The following ZYG11B variants were observed in gnomAD, a reference collection of about 807,000 sequenced individuals.
The protein encoded by ZYG11B is zyg-11 family member B, cell cycle regulator.
A neutral mutation model predicts 82.4 loss-of-function variants in ZYG11B; 36 were observed. That is an observed-to-expected ratio of 0.44 (90% CI 0.33 to 0.58). ZYG11B has a LOEUF of 0.58. Ranked by LOEUF, ZYG11B falls within the 20% of genes least tolerant of loss-of-function variation. The probability of loss-of-function intolerance (pLI) is 0.02; values close to 1 mark genes in which losing one functional copy is unlikely to be tolerated. For missense variants in ZYG11B, 552 were observed against 895.6 expected, an observed-to-expected ratio of 0.62 and a Z score of 4.90; for synonymous variants, 303 against 312.8, an observed-to-expected ratio of 0.97 and a Z score of 0.33.
chr1:52,733,682 A>C (rs1351056290), intron 1 of ZYG11B, among the ~76,000 whole-genome samples: 1 of 152,200 alleles, frequency 6.6e-6, no homozygotes, highest in Non-Finnish European at 1.5e-5. Context: ...AATCAATCAG[A>C]GATATCTTGA....
At chr1:52,813,986 A>G in intron 12 of ZYG11B, 74 bp downstream of exon 12, 1 of 1,434,966 alleles carries the variant, frequency 7.0e-7, no homozygotes, top group Non-Finnish European at 9.6e-7. Context: ...TTCCTACTAG[A>G]TGCATAATTT....
chr1:52,808,172 G>A (rs1397162505), intron 10 of ZYG11B, among the ~76,000 whole-genome samples: 1 of 152,112 alleles, frequency 6.6e-6, no homozygotes, highest in Non-Finnish European at 1.5e-5. Flanking sequence ...AGACCAGCCT[G>A]GCCAACATGG....
rs1325861692 is a variant in ZYG11B, at chr1:52,822,864, T to A, written c.*1235T>A. 1 of 152,166 alleles carries A rather than the reference T, an allele frequency of 6.6e-6. No individual in the cohort carries two copies. The highest frequency in any genetic ancestry group is 2.4e-5 in the African/African-American group (1 of 41,458). 9.4% of individuals were successfully genotyped at this position (152,166 alleles called of 1,614,324 possible). A position where few individuals can be genotyped will look rare whatever the true frequency, so the allele number is the denominator to read the frequency against. On this transcript the variant is annotated 3_prime_UTR_variant, in exon 14 of 14. Coordinates refer to ENST00000294353, the MANE Select transcript of ZYG11B (RefSeq NM_024646.3). ...TATATCAGTAATAGCACTTGAGAGA[T>A]AGCAAGTCACCAAGAAACTTAATTT... is the stretch of plus-strand genomic sequence containing the variant.
chr1:52,788,687 G>A (rs1644932648), intron 5 of ZYG11B, among the ~76,000 whole-genome samples: 1 of 152,102 alleles, frequency 6.6e-6, no homozygotes, highest in Non-Finnish European at 1.5e-5. Flanking sequence ...CTATGATTGT[G>A]CCGCTGCATT....
chr1:52,783,540 C>T lies in ZYG11B; in HGVS notation c.1093-1337C>T, dbSNP rs2149946530. On this transcript the variant is annotated intron_variant, in intron 4 of 13. Coordinates refer to ENST00000294353, the MANE Select transcript of ZYG11B (RefSeq NM_024646.3). ...AAGGTGACATGTATATGTACGTATG[C>T]TGGTAAGTAGGATACATGTGGTAAT... is the stretch of plus-strand genomic sequence containing the variant. Among the ~76,000 whole-genome samples the T allele has an allele frequency of 2.0e-5, 3 of 150,784 alleles. No individual in the cohort carries two copies. The South Asian group carries it at 6.3e-4, about 32-fold the overall frequency.
At chr1:52,817,859 A>G (rs1387663025) in intron 13 of ZYG11B, among the ~76,000 whole-genome samples, 5 of 67,048 alleles carry the variant, frequency 7.5e-5, no homozygotes, top group African/African-American at 2.7e-4. Flanking sequence ...TTTTTTTGAG[A>G]TGGAGTCTCA....
At position 52,756,582 on chromosome 1, in the gene ZYG11B, A is replaced by T. The variant is rs1009426845; in HGVS notation, c.155A>T (p.Gln52Leu). 1.9e-6 allele frequency: 3 copies of T among 1,614,104 alleles called. No homozygotes were observed. Among genetic ancestry groups the T allele is most frequent in the Non-Finnish European group, 2.5e-6 (3 of 1,179,986 alleles). The change falls in exon 2 of 14, where the codon CAG (glutamine) becomes CTG (leucine). Residue 52 changes from glutamine to leucine, a missense_variant. Gln to Leu is a moderately radical substitution (Grantham distance 113). Coordinates refer to ENST00000294353, the MANE Select transcript of ZYG11B (RefSeq NM_024646.3). The part of the protein sequence containing the change: ...LCLQEPGVFP[Q>L]EVADRLLRTM... The stretch of plus-strand genomic sequence containing the variant: ...CTGCAGGAACCTGGAGTATTCCCAC[A>T]GGAGGTGGCTGATCGACTGCTTCGG...
intron 3 of ZYG11B, among the ~76,000 whole-genome samples, chr1:52,776,976 G>A (rs1227480809): frequency 2.6e-5 from 4 of 152,218 alleles, no homozygotes; most frequent in South Asian, 2.1e-4. Flanking sequence ...TTAGGAGGCC[G>A]AGGTTGGCTG....
intron 3 of ZYG11B, 46 bp from the exon 4 acceptor site, chr1:52,779,807 A>G: frequency 1.2e-6 from 2 of 1,606,608 alleles, no homozygotes; most frequent in East Asian, 4.5e-5. Context: ...ATAATTAGAT[A>G]GAGAAAGAGA....
intron 8 of ZYG11B, among the ~76,000 whole-genome samples, chr1:52,800,967 C>T (rs1280586724): frequency 6.6e-6 from 1 of 152,052 alleles, no homozygotes; most frequent in African/African-American, 2.4e-5. Context: ...TCCTTTTTTA[C>T]CTCCAAAAGT....
chr1:52,728,302 G>A (rs917670943), intron 1 of ZYG11B, among the ~76,000 whole-genome samples: 1 of 152,164 alleles, frequency 6.6e-6, no homozygotes, highest in African/African-American at 2.4e-5. Context: ...TGTGGCCCAG[G>A]CTGGAATGCA....
At chr1:52,790,937 AT>A (rs527968480) in intron 6 of ZYG11B, among the ~76,000 whole-genome samples, 2,686 of 149,010 alleles carry the variant, frequency 0.018, 91 homozygotes, top group African/African-American at 0.061. Flanking sequence ...TGGAGCTTAA[AT>A]TTTTTTTTTA....
chr1:52,805,490 T>C (rs1227567094), intron 10 of ZYG11B: 2 of 455,880 alleles, frequency 4.4e-6, no homozygotes, highest in African/African-American at 4.0e-5. Flanking sequence ...GATTATTTGA[T>C]ACAGAAGTTG....
intron 4 of ZYG11B, among the ~76,000 whole-genome samples, chr1:52,781,662 A>G (rs886121685): frequency 6.6e-6 from 1 of 152,162 alleles, no homozygotes; most frequent in African/African-American, 2.4e-5. Context: ...TTAGGACTCT[A>G]TTATATTTGG....
intron 1 of ZYG11B, among the ~76,000 whole-genome samples, chr1:52,747,241 G>A (rs903483818): frequency 6.6e-6 from 1 of 151,824 alleles, no homozygotes; most frequent in Non-Finnish European, 1.5e-5. Context: ...AGTCAGCACT[G>A]ATTTCCTGTT....
chr1:52,784,089 T>G (rs12082274), intron 4 of ZYG11B, among the ~76,000 whole-genome samples: 16,323 of 152,018 alleles, frequency 0.11, 1,974 homozygotes, highest in East Asian at 0.35. Flanking sequence ...CCTCCTGGGT[T>G]AAAGCAGTTC....
chr1:52,794,443 C>A (rs1644989656), intron 6 of ZYG11B, among the ~76,000 whole-genome samples: 1 of 152,156 alleles, frequency 6.6e-6, no homozygotes, highest in Non-Finnish European at 1.5e-5. Context: ...CAGTAGTAAT[C>A]TACCTGAAAA....
Position 52,784,879 on chromosome 1 carries a change from T to G in ZYG11B, c.1095T>G (p.Leu365=), listed in dbSNP as rs778217665. 6.2e-7 allele frequency: 1 copy of G among 1,612,922 alleles called. No homozygotes were observed. The highest frequency in any genetic ancestry group is 8.5e-7 in the Non-Finnish European group (1 of 1,179,778). ...GAGGACTAATTTTTTTTTTCCAGCT[T>G]GTGGTTACTGGGATGAGAAACCACC... The part of the protein sequence containing the change: ...MEKTKPEILK[L]VVTGMRNHPM... The change falls in exon 5 of 14, where the codon CTT becomes CTG. Residue 365 remains leucine, a splice_region_variant and synonymous_variant. Transcript: ENST00000294353.
At chr1:52,808,722 C>T (rs566102034) in intron 10 of ZYG11B, among the ~76,000 whole-genome samples, 57 of 152,238 alleles carry the variant, frequency 3.7e-4, no homozygotes, top group South Asian at 1.2e-3. Context: ...CCTTTGGAGA[C>T]GCTAATTTGC....
Sources: gnomAD v4.1 joint callset for allele counts (sites outside exome capture counted in the v4.1 genomes callset) on GRCh38, gnomAD v4.1.1 for gene constraint, MANE v1.5 for transcripts, NCBI Gene and HGNC (gene_info 2026-07-23, HGNC 2026-07-21) for gene names.